DMD: variants seen among roughly 807,000 people sequenced by gnomAD.
DMD encodes dystrophin.
In DMD, 63 loss-of-function variants were observed where a neutral mutation model predicts 330.1. That is an observed-to-expected ratio of 0.19 (90% CI 0.16 to 0.24). DMD has a LOEUF of 0.24. Ranked by LOEUF, DMD falls within the 10% of genes least tolerant of loss-of-function variation. DMD has a pLI of 1.00. For missense variants in DMD, 3,344 were observed against 2,684.1 expected, an observed-to-expected ratio of 1.25 and a Z score of -5.43; for synonymous variants, 1,223 against 959.8, an observed-to-expected ratio of 1.27 and a Z score of -5.07.
At chrX:31,507,172 G>T in intron 56 of DMD, 109 bp downstream of exon 56, 3 of 749,025 alleles carry the variant, frequency 4.0e-6, no homozygotes, top group African/African-American at 2.1e-5. Context: ...TTCTGAAATT[G>T]GATGATTTAC....
intron 44 of DMD, among the ~76,000 whole-genome samples, chrX:31,985,341 C>T (rs1218455222): frequency 2.7e-5 from 3 of 112,169 alleles, no homozygotes; most frequent in Non-Finnish European, 3.8e-5. Flanking sequence ...TATTAAGAAA[C>T]ATATGCCCCA....
intron 30 of DMD, among the ~76,000 whole-genome samples, chrX:32,402,380 T>C (rs1057066059): frequency 3.6e-5 from 4 of 111,491 alleles, no homozygotes; most frequent in Non-Finnish European, 5.7e-5. Flanking sequence ...TTTAAACATA[T>C]AGTCAATGAA....
At chrX:31,928,359 C>T in intron 47 of DMD, among the ~76,000 whole-genome samples, 1 of 111,397 alleles carries the variant, frequency 9.0e-6, no homozygotes, top group East Asian at 2.8e-4. Flanking sequence ...AATCCCAGGA[C>T]TTTGGGAGTC....
At position 31,439,055 on chromosome X, in the gene DMD, T is replaced by G. The variant is rs1002033650; in HGVS notation, c.9084+5426A>C. 2.1e-4 allele frequency among the ~76,000 whole-genome samples: 24 copies of G among 111,743 alleles called. 2 individuals carry two copies. Among genetic ancestry groups the G allele is most frequent in the Admixed American group, 1.8e-3 (19 of 10,469 alleles). ...CATCCTCTCACAAAGCTTACTACTATGACTATATAGACCAAGTTTCCAGTA... is the reference window on the plus strand; with the variant it reads ...CATCCTCTCACAAAGCTTACTACTAGGACTATATAGACCAAGTTTCCAGTA... On this transcript the variant is annotated intron_variant, in intron 60 of 78. Transcript: ENST00000357033.
In DMD at chrX:31,648,796, T is replaced by A. The variant is rs12844688; in HGVS notation, c.8027+9194A>T. ...TTTTTAATATAAGAAATCATTTGAATTAATGATTTAGAGAAAGGAAACAGA... is the reference window on the plus strand; with the variant it reads ...TTTTTAATATAAGAAATCATTTGAAATAATGATTTAGAGAAAGGAAACAGA... On this transcript the variant is annotated intron_variant, in intron 54 of 78. Transcript: ENST00000357033. Among the ~76,000 whole-genome samples the A allele has an allele frequency of 8.2e-3, 893 of 109,419 alleles. 8 individuals are homozygous for A. The highest frequency in any genetic ancestry group is 0.014 in the Non-Finnish European group (718 of 52,547).
At chrX:33,303,525 G>A (rs1200342033) in intron 1 of DMD, among the ~76,000 whole-genome samples, 1 of 110,975 alleles carries the variant, frequency 9.0e-6, no homozygotes, top group African/African-American at 3.3e-5. Flanking sequence ...TTACTGATAT[G>A]GTTTGTCTGT....
At chrX:33,258,145 C>G (rs1318154631) in intron 1 of DMD, among the ~76,000 whole-genome samples, 4 of 111,075 alleles carry the variant, frequency 3.6e-5, no homozygotes, top group Admixed American at 1.9e-4. Context: ...AAGAACTGTA[C>G]AAAACACAAT....
At chrX:32,111,664 T>A (rs948615473) in intron 44 of DMD, among the ~76,000 whole-genome samples, 4 of 111,528 alleles carry the variant, frequency 3.6e-5, no homozygotes, top group Admixed American at 9.6e-5. Flanking sequence ...ATTCTTTCTT[T>A]TTGGTTATCA....
intron 62 of DMD, among the ~76,000 whole-genome samples, chrX:31,299,502 G>T (rs768126852): frequency 4.2e-4 from 47 of 111,817 alleles, no homozygotes; most frequent in Non-Finnish European, 8.3e-4. Context: ...GGTAGGCTGG[G>T]TGTGATGGCT....
At position 32,400,058 on chromosome X, in the gene DMD, G is replaced by A. The variant is rs369649117; in HGVS notation, c.4234-9877C>T. Among the ~76,000 whole-genome samples the A allele has an allele frequency of 1.1e-4, 12 of 111,155 alleles. No individual in the cohort carries two copies. The South Asian group carries it at 1.1e-3, about 11-fold the overall frequency. On this transcript the variant is annotated intron_variant, in intron 30 of 78. Coordinates refer to ENST00000357033, the MANE Select transcript of DMD (RefSeq NM_004006.3). ...GCCAGTTTTCAAAGGGAATGCTTCC[G>A]GTTTTTGCCCATTCAGTATGATATT...
At chrX:31,985,038 A>G (rs749522521) in intron 44 of DMD, among the ~76,000 whole-genome samples, 19 of 112,283 alleles carry the variant, frequency 1.7e-4, no homozygotes, top group Non-Finnish European at 3.0e-4. Context: ...TTTAAAATTG[A>G]TACTCTATTT....
At position 31,284,845 on chromosome X, in the gene DMD, CACACA is replaced by C. The variant is rs1371348171; in HGVS notation, c.9225-23834_9225-23830del. Among the ~76,000 whole-genome samples, 718 of 107,832 alleles carry C rather than the reference CACACA, an allele frequency of 6.7e-3. 12 individuals carry two copies. The highest frequency in any genetic ancestry group is 0.023 in the African/African-American group (682 of 29,175). The allele number at this position is 107,832 out of a possible 115,157, so 93.6% of individuals were successfully genotyped here. ...GCTTAAACACACACACACACACACA[CACACA>C]CACACACACACACCCACACCCACAC... On this transcript the variant is annotated intron_variant, in intron 62 of 78. Coordinates refer to ENST00000357033, the MANE Select transcript of DMD (RefSeq NM_004006.3).
At chrX:31,887,950 G>A (rs1173676876) in intron 47 of DMD, among the ~76,000 whole-genome samples, 1 of 111,973 alleles carries the variant, frequency 8.9e-6, no homozygotes, top group Non-Finnish European at 1.9e-5. Context: ...TCCTAAAAAC[G>A]CTTATGTTCT....
chrX:33,264,426 A>G (rs1196954939), intron 1 of DMD, among the ~76,000 whole-genome samples: 6 of 110,726 alleles, frequency 5.4e-5, no homozygotes, highest in Non-Finnish European at 1.1e-4. Flanking sequence ...TTATCAGTTC[A>G]TTGTTAATTC....
intron 7 of DMD, among the ~76,000 whole-genome samples, chrX:32,725,075 G>A (rs1222312572): frequency 9.0e-6 from 1 of 111,468 alleles, no homozygotes; most frequent in Non-Finnish European, 1.9e-5. Context: ...TAACACAACA[G>A]AAGAAAGTAT....
At chrX:32,096,947 TAATAA>T (rs1420840164) in intron 44 of DMD, among the ~76,000 whole-genome samples, 1 of 111,884 alleles carries the variant, frequency 8.9e-6, no homozygotes, top group Non-Finnish European at 1.9e-5. Flanking sequence ...ACGACAGCTT[TAATAA>T]AATAGAGTTT....
At position 32,284,764 on chromosome X, in the gene DMD, T is replaced by A. The variant is rs188240323; in HGVS notation, c.6290+2765A>T. On this transcript the variant is annotated intron_variant, in intron 43 of 78. Coordinates refer to ENST00000357033, the MANE Select transcript of DMD (RefSeq NM_004006.3). ...CTCTAGAGCCTGTGCTTATAAGCAA[T>A]TACTTAAAACAGTTTGTATCTGAGA... is the stretch of plus-strand genomic sequence containing the variant. 4.6e-4 allele frequency among the ~76,000 whole-genome samples: 52 copies of A among 112,412 alleles called. No individual in the cohort carries two copies. The Admixed American group carries it at 4.7e-3, about 10-fold the overall frequency.
chrX:31,593,746 A>G, intron 55 of DMD, among the ~76,000 whole-genome samples: 1 of 110,956 alleles, frequency 9.0e-6, no homozygotes, highest in Non-Finnish European at 1.9e-5. Context: ...GTTAACTCAT[A>G]CTTTTTCTTA....
intron 55 of DMD, chrX:31,508,462 G>A: frequency 3.2e-6 from 1 of 311,587 alleles, no homozygotes; most frequent in Non-Finnish European, 5.7e-6. Flanking sequence ...ACCTCAAAGA[G>A]AGGAGGCCTG....
Sources: allele counts gnomAD v4.1 joint callset (sites outside exome capture counted in the v4.1 genomes callset), GRCh38; gene constraint gnomAD v4.1.1; transcripts MANE v1.5; gene names NCBI Gene and HGNC (gene_info 2026-07-23, HGNC 2026-07-21).